The following GTPBP4 variants were observed in gnomAD, a reference collection of about 807,000 sequenced individuals.
GTPBP4 encodes GTP-binding protein 4.
Under a neutral mutation model 81.7 loss-of-function variants are expected in GTPBP4, and 15 were observed. The ratio of observed to expected loss-of-function variants is 0.18; its 90% confidence interval spans 0.12 to 0.28. The LOEUF is 0.28. GTPBP4 is among the 10% of genes least tolerant of loss of function. The probability of loss-of-function intolerance (pLI) is 1.00; values close to 1 mark genes in which losing one functional copy is unlikely to be tolerated. For synonymous variants in GTPBP4, 272 were observed against 274.6 expected (o/e 0.99, Z 0.09); for missense variants, 847 against 793.8 (o/e 1.07, Z -0.81).
chr10:997,865 T>C (rs145109089), intron 5 of GTPBP4, among the ~76,000 whole-genome samples: 2 of 152,270 alleles, frequency 1.3e-5, no homozygotes, highest in African/African-American at 4.8e-5. Flanking sequence ...AGTCGCTCTT[T>C]CCCTGGGTGA....
intron 12 of GTPBP4, 129 bp downstream of exon 12, chr10:1,009,709 G>T: frequency 1.4e-6 from 1 of 705,616 alleles, no homozygotes. Context: ...ATTTCTTGAA[G>T]ATTAAAAGTT....
chr10:1,009,647 G>A lies in GTPBP4; in HGVS notation c.1243+67G>A, dbSNP rs375445532. 1,040 of 899,728 alleles carry A rather than the reference G, an allele frequency of 1.2e-3. 22 individuals carry two copies. The South Asian group carries it at 0.013, about 11-fold the overall frequency. The allele number at this position is 899,728 out of a possible 1,614,324, so 55.7% of individuals were successfully genotyped here. The stretch of plus-strand genomic sequence containing the variant: ...GACGTGAAGTATTTCAGAAAATGGG[G>A]GAAAGACTTTAATAAGTAATAAAAG... On this transcript the variant is annotated intron_variant, in intron 12 of 16. Coordinates refer to ENST00000360803, the MANE Select transcript of GTPBP4 (RefSeq NM_012341.3).
rs1366954781 is a variant in GTPBP4, at chr10:997,315, C to T, written c.561+7C>T. On this transcript the variant is annotated splice_region_variant and intron_variant, in intron 5 of 16. Transcript: ENST00000360803. ...GTCCAGCTTCATCAACAAGGTTGGTCTGGTTTTTATCGTAAAGCAAATCAT... is the reference window on the plus strand; with the variant it reads ...GTCCAGCTTCATCAACAAGGTTGGTTTGGTTTTTATCGTAAAGCAAATCAT... 5 of 1,481,782 alleles carry T rather than the reference C, an allele frequency of 3.4e-6. No individual in the cohort carries two copies. The African/African-American group carries it at 6.9e-5, about 20-fold the overall frequency. 91.8% of individuals were successfully genotyped at this position (1,481,782 alleles called of 1,614,324 possible).
At chr10:998,328 G>A (rs1300728884) in intron 5 of GTPBP4, among the ~76,000 whole-genome samples, 1 of 152,142 alleles carries the variant, frequency 6.6e-6, no homozygotes, top group African/African-American at 2.4e-5. Flanking sequence ...TCAAACTCCC[G>A]AGCTCAAGCC....
At chr10:1,002,890 A>G (rs1831661669) in intron 8 of GTPBP4, among the ~76,000 whole-genome samples, 1 of 152,162 alleles carries the variant, frequency 6.6e-6, no homozygotes, top group African/African-American at 2.4e-5. Context: ...TGCCTTGGGG[A>G]AGACCTTTCT....
rs1368705964 is a variant in GTPBP4, at chr10:1,019,878, A to G, written c.*2651A>G. On this transcript the variant is annotated 3_prime_UTR_variant, in exon 17 of 17. Transcript: ENST00000360803. The stretch of plus-strand genomic sequence containing the variant: ...GCAGTGTTAACAACGCTAATGTAAA[A>G]CACAGAATTTACAGAAAAATAGAGA... The G allele has an allele frequency of 7.5e-7, 1 of 1,327,576 alleles. No homozygotes were observed. Among genetic ancestry groups the G allele is most frequent in the South Asian group, 1.2e-5 (1 of 81,916 alleles). 82.2% of individuals were successfully genotyped at this position (1,327,576 alleles called of 1,614,324 possible). A position where few individuals can be genotyped will look rare whatever the true frequency, so the allele number is the denominator to read the frequency against.
At position 1,010,589 on chromosome 10, in the gene GTPBP4, G is replaced by T. The variant is rs1589030319; in HGVS notation, c.1344+69G>T. 6 of 884,166 alleles carry T rather than the reference G, an allele frequency of 6.8e-6. No homozygotes were observed. In the East Asian group the frequency reaches 1.2e-4, roughly 18 times the overall value. 54.8% of individuals were successfully genotyped at this position (884,166 alleles called of 1,614,324 possible). A position where few individuals can be genotyped will look rare whatever the true frequency, so the allele number is the denominator to read the frequency against. On this transcript the variant is annotated intron_variant, in intron 13 of 16. Coordinates refer to ENST00000360803, the MANE Select transcript of GTPBP4 (RefSeq NM_012341.3). ...ATAGTAGTATTGCTGGAAGATAGCAGCATGGCTTCGGCTCAGCTGGGCCTG... is the reference window on the plus strand; with the variant it reads ...ATAGTAGTATTGCTGGAAGATAGCATCATGGCTTCGGCTCAGCTGGGCCTG...
rs1179707802 is a variant in GTPBP4, at chr10:992,666, G to A, written c.219+7G>A. 1 of 1,558,866 alleles carries A rather than the reference G, an allele frequency of 6.4e-7. No homozygotes were observed. On this transcript the variant is annotated splice_region_variant and intron_variant, in intron 2 of 16. Transcript: ENST00000360803. ...AGATTTCCCCAAATTGGATGTAAGTGACTTAGGGGACTTCTGTGGTTATGT... is the reference window on the plus strand; with the variant it reads ...AGATTTCCCCAAATTGGATGTAAGTAACTTAGGGGACTTCTGTGGTTATGT...
At chr10:993,052 T>C (rs771447051) in intron 2 of GTPBP4, among the ~76,000 whole-genome samples, 4 of 152,116 alleles carry the variant, frequency 2.6e-5, no homozygotes, top group African/African-American at 9.7e-5. Flanking sequence ...GTTTTTTTTT[T>C]CCTCTGGGCT....
chr10:996,966 C>T (rs1426254472), intron 4 of GTPBP4: 8 of 479,048 alleles, frequency 1.7e-5, no homozygotes, highest in East Asian at 4.0e-5. Flanking sequence ...TGAATTAAAA[C>T]GTGGGCTTAG....
At chr10:997,517 G>A (rs1831555857) in intron 5 of GTPBP4, among the ~76,000 whole-genome samples, 1 of 152,254 alleles carries the variant, frequency 6.6e-6, no homozygotes, top group Non-Finnish European at 1.5e-5. Context: ...AGTTCCCGGT[G>A]CCTGAGCACG....
intron 13 of GTPBP4, among the ~76,000 whole-genome samples, chr10:1,010,920 A>T (rs1214449987): frequency 9.3e-6 from 1 of 107,550 alleles, no homozygotes. Context: ...CACCTTCCCC[A>T]CCCCGAGACT....
chr10:1,009,823 C>T (rs966861901), intron 12 of GTPBP4, among the ~76,000 whole-genome samples: 22 of 152,260 alleles, frequency 1.4e-4, no homozygotes, highest in East Asian at 5.8e-4. Flanking sequence ...GGCAGAACCC[C>T]GTCTCTACAA....
At position 1,019,778 on chromosome 10, in the gene GTPBP4, G is replaced by T; in HGVS notation, c.*2551G>T. ...AAATTTCATGCTCTCCCCAAATTCT[G>T]TCTGATTTTGCCTTGTGGTGATAGA... On this transcript the variant is annotated 3_prime_UTR_variant, in exon 17 of 17. Transcript: ENST00000360803. The T allele has an allele frequency of 6.2e-7, 1 of 1,613,986 alleles. No homozygotes were observed. The highest frequency in any genetic ancestry group is 1.3e-5 in the African/African-American group (1 of 75,002).
chr10:1,013,362 C>T (rs1265429528), intron 14 of GTPBP4, among the ~76,000 whole-genome samples: 2 of 151,684 alleles, frequency 1.3e-5, no homozygotes, highest in Non-Finnish European at 2.9e-5. Context: ...GTAATCTCAG[C>T]ACTTTGGGAG....
rs184334567 is a variant in GTPBP4, at chr10:1,007,762, T to C, written c.1113+634T>C. The C allele has an allele frequency of 9.6e-4, 381 of 396,314 alleles. 1 individual carries two copies. The highest frequency in any genetic ancestry group is 6.9e-3 in the African/African-American group (332 of 48,072). 24.5% of individuals were successfully genotyped at this position (396,314 alleles called of 1,614,324 possible). A position where few individuals can be genotyped will look rare whatever the true frequency, so the allele number is the denominator to read the frequency against. ...TGGAGGCTGTGTCCTTCCCTCTGTC[T>C]TTCCTTGTGTCCTCGGCGTGGTCGG... is the stretch of plus-strand genomic sequence containing the variant. On this transcript the variant is annotated intron_variant, in intron 10 of 16. Transcript: ENST00000360803.
intron 13 of GTPBP4, among the ~76,000 whole-genome samples, chr10:1,010,921 C>T (rs1473478600): frequency 3.4e-5 from 5 of 147,198 alleles, no homozygotes; most frequent in Non-Finnish European, 6.1e-5. Context: ...ACCTTCCCCA[C>T]CCCGAGACTC....
intron 1 of GTPBP4, among the ~76,000 whole-genome samples, chr10:991,273 C>G (rs1831436965): frequency 6.6e-6 from 1 of 152,230 alleles, no homozygotes; most frequent in African/African-American, 2.4e-5. Context: ...GTATCCCTAA[C>G]AACCTTTGTA....
chr10:997,153 T>A, intron 4 of GTPBP4, 55 bp from the exon 5 acceptor site: 1 of 1,080,740 alleles, frequency 9.3e-7, no homozygotes, highest in East Asian at 2.4e-5. Context: ...AAAGAAAATT[T>A]AAAGCAAATC....
Sources: allele counts gnomAD v4.1 joint callset (sites outside exome capture counted in the v4.1 genomes callset), GRCh38; gene constraint gnomAD v4.1.1; transcripts MANE v1.5; gene names NCBI Gene and HGNC (gene_info 2026-07-23, HGNC 2026-07-21).